The following RPS6KC1 variants were observed in gnomAD, a reference collection of about 807,000 sequenced individuals.
The protein encoded by RPS6KC1 is ribosomal protein S6 kinase C1, also known as inactive ribosomal protein S6 kinase delta-1.
RPS6KC1 carries 54 observed loss-of-function variants against 103.8 expected under a neutral mutation model. The observed-to-expected ratio is 0.52, with a 90% CI of 0.42 to 0.65. The LOEUF is 0.65. Among genes scored for constraint, RPS6KC1 ranks in the 30% least tolerant of loss-of-function variants. The pLI, the probability that RPS6KC1 is intolerant of heterozygous loss-of-function variation, is 0.00. For synonymous variants in RPS6KC1, 439 were observed against 438.7 expected (o/e 1.00, Z -0.01); for missense variants, 1,151 against 1,253.8 (o/e 0.92, Z 1.24).
chr1:213,148,554 C>CA (rs1451500250), intron 6 of RPS6KC1, among the ~76,000 whole-genome samples: 4 of 152,020 alleles, frequency 2.6e-5, no homozygotes, highest in African/African-American at 7.2e-5. Flanking sequence ...GTGATCTTTA[C>CA]AATGTATTGT....
rs138903412 is a variant in RPS6KC1, at chr1:213,211,143, A to C, written c.1045-19354A>C. On this transcript the variant is annotated intron_variant, in intron 8 of 14. Coordinates refer to ENST00000366960, the MANE Select transcript of RPS6KC1 (RefSeq NM_012424.6). ...GCTAAATACAATAGACTATACTTTTAATTGAATTAATTTTCATCTAAATTT... is the reference window on the plus strand; with the variant it reads ...GCTAAATACAATAGACTATACTTTTCATTGAATTAATTTTCATCTAAATTT... Among the ~76,000 whole-genome samples the C allele has an allele frequency of 4.6e-5, 7 of 152,340 alleles. 1 individual carries two copies. The highest frequency in any genetic ancestry group is 1.7e-4 in the African/African-American group (7 of 41,586).
At chr1:213,228,040 C>T (rs1029740568) in intron 8 of RPS6KC1, among the ~76,000 whole-genome samples, 1 of 152,062 alleles carries the variant, frequency 6.6e-6, no homozygotes, top group African/African-American at 2.4e-5. Flanking sequence ...TACAGCATGC[C>T]CATAAAGAGC....
At chr1:213,170,878 A>G (rs1365253646) in intron 7 of RPS6KC1, among the ~76,000 whole-genome samples, 1 of 152,188 alleles carries the variant, frequency 6.6e-6, no homozygotes, top group Non-Finnish European at 1.5e-5. Flanking sequence ...AACCAACACA[A>G]TGAGAGGATT....
chr1:213,290,268 A>T, the RPS6KC1 span, among the ~76,000 whole-genome samples: 12 of 152,042 alleles, frequency 7.9e-5, no homozygotes, highest in Admixed American at 7.9e-4. Flanking sequence ...TAGGCAGTAG[A>T]TCTTCCTGCT....
At chr1:213,497,024 T>C in the RPS6KC1 span, among the ~76,000 whole-genome samples, 1 of 152,202 alleles carries the variant, frequency 6.6e-6, no homozygotes, top group Non-Finnish European at 1.5e-5. Flanking sequence ...AAAGGAGATA[T>C]GCATTATATA....
chr1:213,448,973 T>A, the RPS6KC1 span, among the ~76,000 whole-genome samples: 1 of 152,160 alleles, frequency 6.6e-6, no homozygotes, highest in Admixed American at 6.5e-5. Flanking sequence ...ACTCGGGAAG[T>A]CTTGGTGATT....
chr1:213,526,424 C>G, the RPS6KC1 span, among the ~76,000 whole-genome samples: 25 of 152,124 alleles, frequency 1.6e-4, no homozygotes, highest in Non-Finnish European at 2.8e-4. Context: ...AGGCAGTTAG[C>G]ATGGCTGATG....
At chr1:213,227,328 ATGTTTATTAAACATTTAC>A (rs1377134537) in intron 8 of RPS6KC1, among the ~76,000 whole-genome samples, 1 of 152,208 alleles carries the variant, frequency 6.6e-6, no homozygotes, top group Admixed American at 6.5e-5. Context: ...CACTAACCGT[ATGTTTATTAAACATTTAC>A]TGTGTGAGAA....
the RPS6KC1 span, among the ~76,000 whole-genome samples, chr1:213,680,792 G>A: frequency 6.6e-6 from 1 of 152,026 alleles, no homozygotes; most frequent in South Asian, 2.1e-4. Flanking sequence ...GAAGTTGTGA[G>A]GCCCTGATCT....
chr1:213,286,259 G>A, the RPS6KC1 span, among the ~76,000 whole-genome samples: 1 of 152,164 alleles, frequency 6.6e-6, no homozygotes, highest in East Asian at 1.9e-4. Context: ...AGCAGAGAGT[G>A]TATCTAGAAC....
chr1:213,064,104 T>G (rs796131302), intron 1 of RPS6KC1, among the ~76,000 whole-genome samples: 74 of 152,312 alleles, frequency 4.9e-4, no homozygotes, highest in African/African-American at 1.7e-3. Context: ...TCACCCAGGC[T>G]GGAGTGCAAT....
intron 8 of RPS6KC1, among the ~76,000 whole-genome samples, chr1:213,225,398 T>C (rs1045966742): frequency 1.7e-4 from 26 of 150,912 alleles, no homozygotes; most frequent in Non-Finnish European, 3.1e-4. Context: ...TTAATTTGCT[T>C]TTTTTTTTGG....
At chr1:213,246,827 T>C (rs1024130780) in intron 12 of RPS6KC1, among the ~76,000 whole-genome samples, 6 of 151,992 alleles carry the variant, frequency 3.9e-5, no homozygotes, top group African/African-American at 1.4e-4. Context: ...TGCAGTGTGC[T>C]ATGATCATGC....
chr1:213,486,081 C>G, the RPS6KC1 span, among the ~76,000 whole-genome samples: 122 of 152,308 alleles, frequency 8.0e-4, no homozygotes, highest in African/African-American at 2.7e-3. Flanking sequence ...TCACTCTCCT[C>G]TCTCCTTCCC....
At chr1:213,149,060 C>CT (rs1048640070) in intron 6 of RPS6KC1, among the ~76,000 whole-genome samples, 27 of 151,180 alleles carry the variant, frequency 1.8e-4, no homozygotes, top group Admixed American at 1.3e-3. Context: ...TTTGTATATT[C>CT]TTTTTTTTTC....
chr1:213,815,329 C>T, the RPS6KC1 span, among the ~76,000 whole-genome samples: 2 of 152,172 alleles, frequency 1.3e-5, no homozygotes, highest in African/African-American at 4.8e-5. Flanking sequence ...AAGCCACTAC[C>T]TGTTGAGCAT....
At chr1:213,185,146 T>C (rs919447174) in intron 8 of RPS6KC1, among the ~76,000 whole-genome samples, 1 of 152,234 alleles carries the variant, frequency 6.6e-6, no homozygotes, top group Admixed American at 6.5e-5. Context: ...ATGTTTATTT[T>C]ATATGCTTGG....
the RPS6KC1 span, among the ~76,000 whole-genome samples, chr1:213,445,790 C>A: frequency 3.3e-5 from 5 of 152,220 alleles, no homozygotes; most frequent in Non-Finnish European, 7.3e-5. Context: ...AATTTTGCTG[C>A]AGGCTGACTG....
the RPS6KC1 span, among the ~76,000 whole-genome samples, chr1:213,301,692 CATTTACTT>C: frequency 1.3e-3 from 182 of 142,098 alleles, 1 homozygote; most frequent in Admixed American, 5.5e-3. Flanking sequence ...GAGCAAGACC[CATTTACTT>C]ATTTATTTAT....
Sources: gnomAD v4.1 joint callset for allele counts (sites outside exome capture counted in the v4.1 genomes callset) on GRCh38, gnomAD v4.1.1 for gene constraint, MANE v1.5 for transcripts, NCBI Gene and HGNC (gene_info 2026-07-23, HGNC 2026-07-21) for gene names.